FRMD3: variants seen among roughly 807,000 people sequenced by gnomAD.
The protein encoded by FRMD3 is FERM domain containing 3.
Under a neutral mutation model 70.2 loss-of-function variants are expected in FRMD3, and 33 were observed. That is an observed-to-expected ratio of 0.47 (90% CI 0.36 to 0.63). The LOEUF (loss-of-function observed/expected upper bound fraction) is 0.63. FRMD3 is among the 20% of genes least tolerant of loss of function. FRMD3 has a pLI of 0.00. For synonymous variants in FRMD3, 279 were observed against 255.9 expected, an observed-to-expected ratio of 1.09 and a Z score of -0.86; for missense variants, 632 against 711.4, an observed-to-expected ratio of 0.89 and a Z score of 1.27.
the FRMD3 span, among the ~76,000 whole-genome samples, chr9:83,565,198 T>C: frequency 6.6e-6 from 1 of 152,150 alleles, no homozygotes; most frequent in African/African-American, 2.4e-5. Flanking sequence ...ACTGATGCTA[T>C]TTTTGATCTG....
chr9:83,379,590 G>A (rs1370125173), intron 2 of FRMD3, among the ~76,000 whole-genome samples: 1 of 152,142 alleles, frequency 6.6e-6, no homozygotes, highest in East Asian at 1.9e-4. Context: ...TGAACTAGGG[G>A]AGTAAGATGA....
At chr9:83,443,757 A>G (rs1357961847) in intron 1 of FRMD3, among the ~76,000 whole-genome samples, 2 of 152,154 alleles carry the variant, frequency 1.3e-5, no homozygotes, top group Non-Finnish European at 2.9e-5. Context: ...ACTCCCACCA[A>G]CAGTGTAAAA....
At chr9:83,406,108 G>A (rs536981835) in intron 1 of FRMD3, among the ~76,000 whole-genome samples, 36 of 152,256 alleles carry the variant, frequency 2.4e-4, no homozygotes, top group African/African-American at 8.2e-4. Flanking sequence ...TCAGAAAGCA[G>A]ATAAACAGCA....
At chr9:83,498,931 A>G (rs1435993306) in intron 1 of FRMD3, among the ~76,000 whole-genome samples, 1 of 152,182 alleles carries the variant, frequency 6.6e-6, no homozygotes, top group East Asian at 1.9e-4. Flanking sequence ...AAGATCTACC[A>G]TATGATAATA....
intron 1 of FRMD3, among the ~76,000 whole-genome samples, chr9:83,498,187 G>T (rs1022234325): frequency 6.6e-6 from 1 of 151,736 alleles, no homozygotes; most frequent in Non-Finnish European, 1.5e-5. Flanking sequence ...AAAAAAATTT[G>T]TTGTCACAGC....
rs568625062 is a variant in FRMD3 at position 83,473,660 on chromosome 9, T to C, written c.147+64425A>G. On this transcript the variant is annotated intron_variant, in intron 1 of 13. Coordinates refer to ENST00000304195, the MANE Select transcript of FRMD3 (RefSeq NM_174938.6). ...TACACTTTCGCCAACAAGAATAACATGGAGAGGAGGAAGAGGGCGAATGCA... is the reference window on the plus strand; with the variant it reads ...TACACTTTCGCCAACAAGAATAACACGGAGAGGAGGAAGAGGGCGAATGCA... Among the ~76,000 whole-genome samples the C allele has an allele frequency of 2.0e-4, 31 of 152,266 alleles. No homozygotes were observed. In the South Asian group the frequency reaches 2.5e-3, roughly 12 times the overall value.
intron 1 of FRMD3, among the ~76,000 whole-genome samples, chr9:83,404,909 G>T (rs116036431): frequency 4.3e-4 from 66 of 152,312 alleles, no homozygotes; most frequent in African/African-American, 1.5e-3. Context: ...CACGGCACAG[G>T]ACACTGGTTT....
At chr9:83,325,937 T>C (rs1835997055) in intron 6 of FRMD3, among the ~76,000 whole-genome samples, 1 of 152,228 alleles carries the variant, frequency 6.6e-6, no homozygotes, top group Non-Finnish European at 1.5e-5. Flanking sequence ...TATTGGAACA[T>C]CATCACACCC....
At chr9:83,508,815 T>G (rs1158393184) in intron 1 of FRMD3, among the ~76,000 whole-genome samples, 1 of 152,208 alleles carries the variant, frequency 6.6e-6, no homozygotes, top group African/African-American at 2.4e-5. Context: ...ACTTGTTCCT[T>G]TGTGCACTGT....
At chr9:83,491,791 A>G (rs1179692528) in intron 1 of FRMD3, among the ~76,000 whole-genome samples, 1 of 152,216 alleles carries the variant, frequency 6.6e-6, no homozygotes, top group African/African-American at 2.4e-5. Flanking sequence ...GCTCTCTTCT[A>G]TTTAACTGGG....
the FRMD3 span, among the ~76,000 whole-genome samples, chr9:83,546,890 C>CAAAA: frequency 1.6e-5 from 1 of 64,148 alleles, no homozygotes; most frequent in African/African-American, 5.7e-5. Flanking sequence ...GACTCTGTCT[C>CAAAA]AAAAAAAAAA....
chr9:83,476,326 G>A (rs1414546607), intron 1 of FRMD3, among the ~76,000 whole-genome samples: 1 of 150,640 alleles, frequency 6.6e-6, no homozygotes, highest in African/African-American at 2.4e-5. Context: ...AGAGGTTGCA[G>A]TGAGCCAAGA....
At chr9:83,300,933 G>A (rs1834899063) in intron 10 of FRMD3, among the ~76,000 whole-genome samples, 1 of 152,106 alleles carries the variant, frequency 6.6e-6, no homozygotes, top group Non-Finnish European at 1.5e-5. Context: ...AAAGCCATAG[G>A]AACAATCTTT....
chr9:83,327,998 G>A (rs148106502), intron 6 of FRMD3, among the ~76,000 whole-genome samples: 3 of 152,248 alleles, frequency 2.0e-5, no homozygotes, highest in Admixed American at 1.3e-4. Flanking sequence ...CAGCTGCCAC[G>A]CTATGAAAGA....
chr9:83,338,653 T>C (rs1223227761), intron 5 of FRMD3, among the ~76,000 whole-genome samples: 2 of 152,190 alleles, frequency 1.3e-5, no homozygotes, highest in Non-Finnish European at 2.9e-5. Flanking sequence ...TCATTTAATT[T>C]ATGAAATTTA....
intron 1 of FRMD3, among the ~76,000 whole-genome samples, chr9:83,502,961 T>C (rs778264229): frequency 6.6e-6 from 1 of 152,152 alleles, no homozygotes; most frequent in Admixed American, 6.5e-5. Context: ...CTGTAGTAAT[T>C]ACTATAAGGG....
At chr9:83,362,174 G>A (rs1027540582) in intron 3 of FRMD3, among the ~76,000 whole-genome samples, 18 of 87,804 alleles carry the variant, frequency 2.1e-4, no homozygotes, top group Non-Finnish European at 4.0e-4. Flanking sequence ...GATGCTGTTG[G>A]TTCTCTCTCT....
chr9:83,500,195 A>T (rs1829031846), intron 1 of FRMD3, among the ~76,000 whole-genome samples: 1 of 152,144 alleles, frequency 6.6e-6, no homozygotes, highest in African/African-American at 2.4e-5. Flanking sequence ...GTCAAAACCC[A>T]CAGAAATGTA....
chr9:83,485,600 C>T (rs918705200), intron 1 of FRMD3, among the ~76,000 whole-genome samples: 1 of 152,204 alleles, frequency 6.6e-6, no homozygotes, highest in Admixed American at 6.5e-5. Context: ...TGATTCCCCA[C>T]TTCAGGGACA....
Sources: allele counts gnomAD v4.1 joint callset (sites outside exome capture counted in the v4.1 genomes callset), GRCh38; gene constraint gnomAD v4.1.1; transcripts MANE v1.5; gene names NCBI Gene and HGNC (gene_info 2026-07-23, HGNC 2026-07-21).